DPYS: variants seen among roughly 807,000 people sequenced by gnomAD.
DPYS encodes the protein dihydropyrimidine amidohydrolase.
A neutral mutation model predicts 50.3 loss-of-function variants in DPYS; 39 were observed. The observed-to-expected ratio is 0.78, with a 90% CI of 0.60 to 1.01. The LOEUF (loss-of-function observed/expected upper bound fraction) is 1.01. Ranked by LOEUF, DPYS falls within the 50% of genes least tolerant of loss-of-function variation. The pLI is 0.00. For missense variants in DPYS, 659 were observed against 680.9 expected, an observed-to-expected ratio of 0.97 and a Z score of 0.36; for synonymous variants, 245 against 250.7, an observed-to-expected ratio of 0.98 and a Z score of 0.22.
chr8:104,404,695 A>C (rs189397672), intron 7 of DPYS, among the ~76,000 whole-genome samples: 56 of 152,402 alleles, frequency 3.7e-4, no homozygotes, highest in Non-Finnish European at 7.3e-4. Flanking sequence ...TCTAAACCAG[A>C]GGTTGGCAAA....
At chr8:104,443,921 T>C (rs1564107046) in intron 4 of DPYS, among the ~76,000 whole-genome samples, 1 of 152,032 alleles carries the variant, frequency 6.6e-6, no homozygotes, top group African/African-American at 2.4e-5. Context: ...CCGGAGAGCT[T>C]TGCATTTAGC....
chr8:104,381,718 G>A (rs1291437418), intron 8 of DPYS, among the ~76,000 whole-genome samples: 2 of 152,092 alleles, frequency 1.3e-5, no homozygotes, highest in Non-Finnish European at 2.9e-5. Flanking sequence ...TAGCAATTGG[G>A]TACGCTTTCC....
In DPYS at chr8:104,423,848, G is replaced by A. The variant is rs1219678135; in HGVS notation, c.1235+399C>T. On this transcript the variant is annotated intron_variant, in intron 7 of 9. Transcript: ENST00000351513. Reference sequence around the variant, plus strand: ...ACTGAAAGTGACATCCTTTGTGCTGGAATTTTTCTATCTGAAAGCTTTAAA... The same window carrying A: ...ACTGAAAGTGACATCCTTTGTGCTGAAATTTTTCTATCTGAAAGCTTTAAA... 4 of 530,028 alleles carry A rather than the reference G, an allele frequency of 7.5e-6. No homozygotes were observed. The East Asian group carries it at 6.0e-4, about 79-fold the overall frequency. The allele number at this position is 530,028 out of a possible 1,614,324, so 32.8% of individuals were successfully genotyped here.
intron 7 of DPYS, among the ~76,000 whole-genome samples, chr8:104,399,327 C>CAAAAAA (rs1811710196): frequency 8.1e-6 from 1 of 123,442 alleles, no homozygotes; most frequent in Non-Finnish European, 1.8e-5. Flanking sequence ...CAAAAAAAAA[C>CAAAAAA]CAAGAAAACC....
intron 7 of DPYS, among the ~76,000 whole-genome samples, chr8:104,398,349 T>C (rs1291143616): frequency 6.6e-6 from 1 of 152,218 alleles, no homozygotes; most frequent in East Asian, 1.9e-4. Context: ...TGATCTGCAG[T>C]ATCTGTGCCT....
chr8:104,437,066 T>C (rs1399628089), intron 4 of DPYS, among the ~76,000 whole-genome samples: 2 of 152,148 alleles, frequency 1.3e-5, no homozygotes, highest in East Asian at 3.9e-4. Flanking sequence ...AATTCAAATA[T>C]CTTTTTAAAA....
chr8:104,439,508 C>T (rs1171365974), intron 4 of DPYS, among the ~76,000 whole-genome samples: 5 of 152,082 alleles, frequency 3.3e-5, no homozygotes, highest in African/African-American at 9.7e-5. Context: ...GCCAGCGGGT[C>T]GTGGTAGCTC....
At chr8:104,401,795 C>T (rs1399693676) in intron 7 of DPYS, among the ~76,000 whole-genome samples, 3 of 152,120 alleles carry the variant, frequency 2.0e-5, no homozygotes, top group African/African-American at 7.2e-5. Context: ...GCAAAGCAGC[C>T]ACATCTCTGG....
At chr8:104,383,454 G>A (rs189836130) in intron 8 of DPYS, among the ~76,000 whole-genome samples, 71 of 152,270 alleles carry the variant, frequency 4.7e-4, no homozygotes, top group Admixed American at 2.6e-3. Context: ...ATAGATATGG[G>A]TAGAAGGGAT....
At chr8:104,399,866 C>CAAAAAAAA (rs57562204) in intron 7 of DPYS, among the ~76,000 whole-genome samples, 91 of 52,290 alleles carry the variant, frequency 1.7e-3, no homozygotes, top group Middle Eastern at 0.019. Context: ...GACTCCGTCT[C>CAAAAAAAA]AAAAAAAAAA....
At chr8:104,430,137 T>G (rs1052316350) in intron 4 of DPYS, among the ~76,000 whole-genome samples, 1 of 152,188 alleles carries the variant, frequency 6.6e-6, no homozygotes, top group South Asian at 2.1e-4. Flanking sequence ...AGAATTTGAC[T>G]CCAGTGGTTC....
intron 8 of DPYS, 66 bp from the exon 9 acceptor site, chr8:104,381,380 C>T (rs542606023): frequency 4.3e-6 from 6 of 1,397,822 alleles, no homozygotes; most frequent in Non-Finnish European, 6.1e-6. Context: ...AAGTGTAGCT[C>T]CCTTTATGAA....
At chr8:104,399,347 G>A (rs1811711342) in intron 7 of DPYS, among the ~76,000 whole-genome samples, 1 of 149,848 alleles carries the variant, frequency 6.7e-6, no homozygotes, top group South Asian at 2.1e-4. Flanking sequence ...CCACATCCAG[G>A]CTCTAAGATA....
At chr8:104,452,340 A>G (rs1445147147) in intron 1 of DPYS, among the ~76,000 whole-genome samples, 1 of 152,158 alleles carries the variant, frequency 6.6e-6, no homozygotes, top group Non-Finnish European at 1.5e-5. Flanking sequence ...AAGAAAACAG[A>G]GACAGGAGGG....
At chr8:104,414,496 C>CTCT (rs1812301711) in intron 7 of DPYS, among the ~76,000 whole-genome samples, 1 of 151,836 alleles carries the variant, frequency 6.6e-6, no homozygotes, top group Non-Finnish European at 1.5e-5. Context: ...AGAACCTCTG[C>CTCT]TCTTAAAAAA....
At chr8:104,438,280 T>C (rs1311724301) in intron 4 of DPYS, among the ~76,000 whole-genome samples, 2 of 152,082 alleles carry the variant, frequency 1.3e-5, no homozygotes, top group Non-Finnish European at 2.9e-5. Flanking sequence ...TTCTATTCAA[T>C]AGAAAGTATG....
chr8:104,403,659 C>A (rs937134329), intron 7 of DPYS, among the ~76,000 whole-genome samples: 2 of 152,136 alleles, frequency 1.3e-5, no homozygotes, highest in Non-Finnish European at 2.9e-5. Context: ...TTCCCTCCAT[C>A]CCTACTGAGG....
Position 104,429,619 on chromosome 8 carries a change from T to TGCATG in DPYS, c.871_875dup (p.Ala293MetfsTer22). 6.2e-7 allele frequency: 1 copy of TGCATG among 1,614,196 alleles called. No homozygotes were observed. Among genetic ancestry groups the TGCATG allele is most frequent in the Non-Finnish European group, 8.5e-7 (1 of 1,180,018 alleles). ...AAGGTGGACCCATGACATGGTGGGC[T>TGCATG]GCATGGTGCCATTCTTTATTCCAGT... On this transcript the variant is annotated frameshift_variant, in exon 5 of 10. Coordinates refer to ENST00000351513, the MANE Select transcript of DPYS (RefSeq NM_001385.3). LOFTEE classifies it high-confidence loss of function.
intron 7 of DPYS, among the ~76,000 whole-genome samples, chr8:104,421,810 T>C (rs546837284): frequency 6.6e-6 from 1 of 152,326 alleles, no homozygotes; most frequent in African/African-American, 2.4e-5. Flanking sequence ...TCTACACATC[T>C]GGATCTTTAT....
Sources: allele counts gnomAD v4.1 joint callset (sites outside exome capture counted in the v4.1 genomes callset), GRCh38; gene constraint gnomAD v4.1.1; transcripts MANE v1.5; gene names NCBI Gene and HGNC (gene_info 2026-07-23, HGNC 2026-07-21).